TSNARE1: variants seen among roughly 807,000 people sequenced by gnomAD.
TSNARE1 encodes the protein t-SNARE domain containing 1, also known as t-SNARE domain-containing protein 1.
Under a neutral mutation model 62.0 loss-of-function variants are expected in TSNARE1, and 49 were observed. The ratio of observed to expected loss-of-function variants is 0.79; its 90% CI spans 0.63 to 1.00. The LOEUF (loss-of-function observed/expected upper bound fraction) is 1.00. Among genes scored for constraint, TSNARE1 ranks in the 50% least tolerant of loss-of-function variants. TSNARE1 has a pLI of 0.00. For synonymous variants in TSNARE1, 328 were observed against 294.4 expected (o/e 1.11, Z -1.17); for missense variants, 755 against 700.1 (o/e 1.08, Z -0.88).
At chr8:142,283,006 G>A (rs539935194) in intron 11 of TSNARE1, among the ~76,000 whole-genome samples, 12 of 150,416 alleles carry the variant, frequency 8.0e-5, no homozygotes, top group Admixed American at 7.9e-4. Context: ...GTCTGCCAAT[G>A]AGCAGAGGCG....
chr8:142,221,673 CCACTCATCCACT>C (rs1326709578), intron 13 of TSNARE1, among the ~76,000 whole-genome samples: 7 of 108,376 alleles, frequency 6.5e-5, no homozygotes, highest in African/African-American at 1.8e-4. Context: ...ACTCACTCAT[CCACTCATCCACT>C]CACTCACTCA....
chr8:142,356,019 G>A (rs767747003), intron 1 of TSNARE1, among the ~76,000 whole-genome samples: 5 of 152,176 alleles, frequency 3.3e-5, no homozygotes, highest in African/African-American at 7.2e-5. Context: ...AAACTCAAAC[G>A]GAGGCTTCTG....
chr8:142,226,245 G>C (rs1009837085), intron 13 of TSNARE1, among the ~76,000 whole-genome samples: 1 of 152,184 alleles, frequency 6.6e-6, no homozygotes, highest in Admixed American at 6.5e-5. Context: ...TTTCCGGCTG[G>C]CTTGGGGCTG....
intron 6 of TSNARE1, among the ~76,000 whole-genome samples, chr8:142,328,231 T>C (rs866767961): frequency 1.1e-4 from 16 of 152,198 alleles, no homozygotes; most frequent in Non-Finnish European, 1.6e-4. Context: ...TTAAGCCCTA[T>C]CCTATGTAGC....
intron 1 of TSNARE1, among the ~76,000 whole-genome samples, chr8:142,359,931 C>T (rs1587007946): frequency 6.6e-6 from 1 of 152,172 alleles, no homozygotes; most frequent in Admixed American, 6.5e-5. Context: ...GGGGTCAGCA[C>T]CCAGGCATGC....
At chr8:142,275,844 GCACAGC>G in intron 11 of TSNARE1, 1 of 697,382 alleles carries the variant, frequency 1.4e-6, no homozygotes, top group African/African-American at 2.2e-5. Flanking sequence ...CTGCTGCCAG[GCACAGC>G]CTGGCACGAC....
At chr8:142,256,597 TATC>T (rs1818596905) in intron 12 of TSNARE1, among the ~76,000 whole-genome samples, 1 of 119,348 alleles carries the variant, frequency 8.4e-6, no homozygotes, top group Non-Finnish European at 1.8e-5. Flanking sequence ...TCACCATCAC[TATC>T]ATCACCATCA....
intron 1 of TSNARE1, among the ~76,000 whole-genome samples, chr8:142,401,068 T>C (rs1174137444): frequency 6.6e-6 from 1 of 152,182 alleles, no homozygotes; most frequent in Non-Finnish European, 1.5e-5. Flanking sequence ...CGAGGCATGT[T>C]TGTCTTTCCT....
At chr8:142,388,720 G>A (rs1837282548) in intron 1 of TSNARE1, among the ~76,000 whole-genome samples, 1 of 151,964 alleles carries the variant, frequency 6.6e-6, no homozygotes, top group Non-Finnish European at 1.5e-5. Context: ...ACCATGCCCA[G>A]CTAGTTTTTG....
intron 10 of TSNARE1, among the ~76,000 whole-genome samples, chr8:142,286,073 C>T (rs1034625286): frequency 6.6e-6 from 1 of 152,222 alleles, no homozygotes; most frequent in African/African-American, 2.4e-5. Flanking sequence ...CCTTCCCTGA[C>T]TGCCACGCTG....
At chr8:142,302,636 C>T (rs1342679476) in intron 9 of TSNARE1, among the ~76,000 whole-genome samples, 1 of 152,162 alleles carries the variant, frequency 6.6e-6, no homozygotes, top group Non-Finnish European at 1.5e-5. Context: ...CCGCAAAGCA[C>T]GGGGTCCCAG....
chr8:142,359,402 C>T (rs2130844669), intron 1 of TSNARE1, among the ~76,000 whole-genome samples: 1 of 152,330 alleles, frequency 6.6e-6, no homozygotes, highest in African/African-American at 2.4e-5. Context: ...CAGCACATCC[C>T]AGCAGGCCAG....
chr8:142,358,728 G>A (rs532134454), intron 1 of TSNARE1, among the ~76,000 whole-genome samples: 25 of 151,948 alleles, frequency 1.6e-4, no homozygotes, highest in African/African-American at 5.5e-4. Context: ...TCACGGCCCC[G>A]CCCAGCAAGC....
At chr8:142,381,453 C>T (rs911259966) in intron 1 of TSNARE1, among the ~76,000 whole-genome samples, 2 of 149,926 alleles carry the variant, frequency 1.3e-5, no homozygotes, top group East Asian at 2.0e-4. Context: ...TCTCCCCTTG[C>T]TAAAACCTAT....
At chr8:142,257,626 G>A (rs573902551) in intron 12 of TSNARE1, among the ~76,000 whole-genome samples, 55 of 152,250 alleles carry the variant, frequency 3.6e-4, no homozygotes, top group African/African-American at 1.2e-3. Flanking sequence ...AGTTTGGGAA[G>A]GTGCTTCAAG....
Position 142,383,115 on chromosome 8 carries a change from G to A in TSNARE1, c.-40+19989C>T, listed in dbSNP as rs530419025. ...CCTGCCTGGGACCAAGAAGAGCCCC[G>A]TCATGCAGGTGGTTTTCCTACAGGC... On this transcript the variant is annotated intron_variant, in intron 1 of 13. Transcript: ENST00000524325. 2.0e-4 allele frequency among the ~76,000 whole-genome samples: 30 copies of A among 152,320 alleles called. No individual in the cohort carries two copies. The South Asian group carries it at 3.3e-3, about 17-fold the overall frequency.
At chr8:142,230,279 C>A (rs1018862714) in intron 12 of TSNARE1, among the ~76,000 whole-genome samples, 13 of 152,092 alleles carry the variant, frequency 8.5e-5, no homozygotes, top group Non-Finnish European at 1.5e-5. Flanking sequence ...CAGAGAAAAA[C>A]GGGAGCTTAA....
intron 9 of TSNARE1, among the ~76,000 whole-genome samples, chr8:142,304,660 A>G (rs1012817122): frequency 6.6e-6 from 1 of 152,120 alleles, no homozygotes; most frequent in Non-Finnish European, 1.5e-5. Context: ...CAGGGGATGG[A>G]GCTGACCTCA....
rs757057470 is a variant in TSNARE1 at position 142,257,949 on chromosome 8, T to TCA, written c.1446+16830_1446+16831dup. Among the ~76,000 whole-genome samples, 24 of 151,354 alleles carry TCA rather than the reference T, an allele frequency of 1.6e-4. No individual in the cohort carries two copies. The South Asian group carries it at 2.3e-3, about 15-fold the overall frequency. On this transcript the variant is annotated intron_variant, in intron 12 of 13. Transcript: ENST00000524325. ...ACGCATACGCACACAACACCCAAGC[T>TCA]CACACACACACACACCACCCGTGCT...
Sources: gnomAD v4.1 joint callset for allele counts (sites outside exome capture counted in the v4.1 genomes callset) on GRCh38, gnomAD v4.1.1 for gene constraint, MANE v1.5 for transcripts, NCBI Gene and HGNC (gene_info 2026-07-23, HGNC 2026-07-21) for gene names.